The following SYT1 variants were observed in gnomAD, a reference collection of about 807,000 sequenced individuals.
The protein encoded by SYT1 is synaptotagmin-1.
Under a neutral mutation model 44.8 loss-of-function variants are expected in SYT1, and 8 were observed. The ratio of observed to expected loss-of-function variants is 0.18; its 90% CI spans 0.10 to 0.32. SYT1 has a LOEUF of 0.32. Ranked by LOEUF, SYT1 falls within the 10% of genes least tolerant of loss-of-function variation. The pLI is 1.00. For synonymous variants in SYT1, 154 were observed against 188.8 expected, an observed-to-expected ratio of 0.82 and a Z score of 1.51; for missense variants, 286 against 509.3, an observed-to-expected ratio of 0.56 and a Z score of 4.22.
intron 4 of SYT1, among the ~76,000 whole-genome samples, chr12:79,263,996 T>G (rs1326204571): frequency 6.6e-6 from 1 of 152,150 alleles, no homozygotes; most frequent in Non-Finnish European, 1.5e-5. Context: ...TGTCTTTGAT[T>G]GATTTGAAAT....
chr12:79,350,463 A>G (rs965228842), intron 8 of SYT1, among the ~76,000 whole-genome samples: 7 of 151,986 alleles, frequency 4.6e-5, no homozygotes, highest in Non-Finnish European at 1.0e-4. Context: ...CGTGTTAGCC[A>G]GGATGGTCTC....
intron 9 of SYT1, among the ~76,000 whole-genome samples, chr12:79,421,623 T>G (rs1322839606): frequency 6.6e-6 from 1 of 152,144 alleles, no homozygotes; most frequent in Admixed American, 6.6e-5. Context: ...CATATTGCTC[T>G]TGCATTGAAT....
At chr12:78,866,573 G>C (rs1873554673) in intron 1 of SYT1, among the ~76,000 whole-genome samples, 1 of 152,052 alleles carries the variant, frequency 6.6e-6, no homozygotes, top group Non-Finnish European at 1.5e-5. Context: ...TCCATCATTG[G>C]GGATATAAGC....
chr12:79,030,775 A>T (rs1872781547), intron 2 of SYT1, among the ~76,000 whole-genome samples: 1 of 151,106 alleles, frequency 6.6e-6, no homozygotes, highest in Admixed American at 6.6e-5. Context: ...CAAAATAAAA[A>T]CAATAGTTCT....
At chr12:78,912,533 T>C (rs1438771911) in intron 1 of SYT1, among the ~76,000 whole-genome samples, 7 of 152,038 alleles carry the variant, frequency 4.6e-5, no homozygotes, top group Non-Finnish European at 8.8e-5. Flanking sequence ...AGTTTGGTTA[T>C]TGTAATAATC....
At chr12:79,354,508 C>A (rs1388872078) in intron 9 of SYT1, among the ~76,000 whole-genome samples, 1 of 152,072 alleles carries the variant, frequency 6.6e-6, no homozygotes, top group African/African-American at 2.4e-5. Context: ...ATTTTTTATT[C>A]TAAAGCATAA....
chr12:79,140,105 T>C (rs1869461890), intron 3 of SYT1, among the ~76,000 whole-genome samples: 1 of 152,318 alleles, frequency 6.6e-6, no homozygotes, highest in Non-Finnish European at 1.5e-5. Context: ...GAAACTCGCT[T>C]CATCTGAGAA....
intron 3 of SYT1, among the ~76,000 whole-genome samples, chr12:79,056,144 C>T (rs1874921274): frequency 6.6e-6 from 1 of 151,970 alleles, no homozygotes; most frequent in Non-Finnish European, 1.5e-5. Context: ...TCAGCAACAA[C>T]AAAATTGCCT....
At chr12:79,067,993 G>A (rs933407474) in intron 3 of SYT1, among the ~76,000 whole-genome samples, 1 of 152,176 alleles carries the variant, frequency 6.6e-6, no homozygotes, top group African/African-American at 2.4e-5. Flanking sequence ...ACACCCATGA[G>A]ACAAGCCTTA....
intron 4 of SYT1, among the ~76,000 whole-genome samples, chr12:79,227,949 A>C (rs890331980): frequency 7.9e-5 from 12 of 152,052 alleles, no homozygotes; most frequent in Non-Finnish European, 1.0e-4. Flanking sequence ...ATACAAGTGC[A>C]TTGCATTCTT....
intron 4 of SYT1, among the ~76,000 whole-genome samples, chr12:79,269,116 A>G (rs543896972): frequency 6.6e-5 from 10 of 151,160 alleles, no homozygotes; most frequent in African/African-American, 2.4e-4. Flanking sequence ...TTGAATATCA[A>G]TAAATTTATT....
intron 1 of SYT1, among the ~76,000 whole-genome samples, chr12:78,947,658 A>G (rs1294190364): frequency 6.6e-6 from 1 of 152,160 alleles, no homozygotes; most frequent in African/African-American, 2.4e-5. Context: ...GAAATAGCTA[A>G]TGTAGCTTTG....
In SYT1 at chr12:79,224,163, T is replaced by G. The variant is rs370042960; in HGVS notation, c.166+6478T>G. Among the ~76,000 whole-genome samples the G allele has an allele frequency of 4.6e-5, 7 of 152,302 alleles. 1 individual carries two copies. Among genetic ancestry groups the G allele is most frequent in the Admixed American group, 3.3e-4 (5 of 15,292 alleles). On this transcript the variant is annotated intron_variant, in intron 4 of 10. Coordinates refer to ENST00000261205, the MANE Select transcript of SYT1 (RefSeq NM_005639.3). Reference sequence around the variant, plus strand: ...TCCTACTCCTCCATCTTACTCTGCCTCAGTCCAGTTGCATATAATTTGAAT... The same window carrying G: ...TCCTACTCCTCCATCTTACTCTGCCGCAGTCCAGTTGCATATAATTTGAAT...
Position 78,876,836 on chromosome 12 carries a change from T to C in SYT1, c.-217+11727T>C, listed in dbSNP as rs182238340. On this transcript the variant is annotated intron_variant, in intron 1 of 10. Transcript: ENST00000261205. ...TACATATCATATATTATATGTATTA[T>C]ATATAATATATATTATATATAATAT... Among the ~76,000 whole-genome samples the C allele has an allele frequency of 8.7e-4, 49 of 56,386 alleles. 2 individuals carry two copies. The highest frequency in any genetic ancestry group is 3.9e-3 in the African/African-American group (41 of 10,560). The allele number at this position is 56,386 out of a possible 152,430, so 37.0% of individuals were successfully genotyped here. A position where few individuals can be genotyped will look rare whatever the true frequency, so the allele number is the denominator to read the frequency against.
intron 8 of SYT1, among the ~76,000 whole-genome samples, chr12:79,341,796 G>T (rs1420860106): frequency 6.7e-6 from 1 of 148,466 alleles, no homozygotes; most frequent in African/African-American, 2.5e-5. Context: ...AGCCTCCCAA[G>T]TAGCTGGGAC....
rs73353509 is a variant in SYT1, at chr12:79,053,832, A to G, written c.-18+6470A>G. On this transcript the variant is annotated intron_variant, in intron 3 of 10. Coordinates refer to ENST00000261205, the MANE Select transcript of SYT1 (RefSeq NM_005639.3). ...ATGAAGGCATGTTTCTGAAACAACC[A>G]AAGTTGTTGGTTGATTTTTGCTTTA... is the stretch of plus-strand genomic sequence containing the variant. Among the ~76,000 whole-genome samples, 729 of 152,000 alleles carry G rather than the reference A, an allele frequency of 4.8e-3. 7 individuals are homozygous for G. The highest frequency in any genetic ancestry group is 0.017 in the African/African-American group (689 of 41,506).
intron 2 of SYT1, among the ~76,000 whole-genome samples, chr12:79,026,140 A>T (rs956968982): frequency 4.6e-5 from 7 of 151,722 alleles, no homozygotes; most frequent in Non-Finnish European, 8.9e-5. Context: ...AGTGTTTTAA[A>T]TCACTTCCTT....
At chr12:79,431,513 A>AAT in intron 9 of SYT1, among the ~76,000 whole-genome samples, 1 of 142,702 alleles carries the variant, frequency 7.0e-6, no homozygotes, top group African/African-American at 2.7e-5. Context: ...ATTTTATTTT[A>AAT]TTATTTATTT....
rs78235884 is a variant in SYT1 at position 79,059,442 on chromosome 12, T to C, written c.-18+12080T>C. Among the ~76,000 whole-genome samples, 763 of 152,238 alleles carry C rather than the reference T, an allele frequency of 5.0e-3. 14 individuals carry two copies. The East Asian group carries it at 0.069, about 14-fold the overall frequency. On this transcript the variant is annotated intron_variant, in intron 3 of 10. Coordinates refer to ENST00000261205, the MANE Select transcript of SYT1 (RefSeq NM_005639.3). The stretch of plus-strand genomic sequence containing the variant: ...TTTCAATACCTCAAATGTAAAACCA[T>C]CCACTCATAAAGTAAATTTTAAGAG...
Sources: gnomAD v4.1 joint callset for allele counts (sites outside exome capture counted in the v4.1 genomes callset) on GRCh38, gnomAD v4.1.1 for gene constraint, MANE v1.5 for transcripts, NCBI Gene and HGNC (gene_info 2026-07-23, HGNC 2026-07-21) for gene names.